Variants in SPOCK1 observed in about 807,000 individuals in gnomAD.
The protein encoded by SPOCK1 is testican-1.
Under a neutral mutation model 55.3 loss-of-function variants are expected in SPOCK1, and 23 were observed. That is an observed-to-expected ratio of 0.42 (90% confidence interval 0.30 to 0.59). The LOEUF is 0.59. Ranked by LOEUF, SPOCK1 falls within the 20% of genes least tolerant of loss-of-function variation. The probability of loss-of-function intolerance (pLI) is 0.22; values close to 1 mark genes in which losing one functional copy is unlikely to be tolerated. For synonymous variants in SPOCK1, 226 were observed against 221.0 expected, an observed-to-expected ratio of 1.02 and a Z score of -0.20; for missense variants, 499 against 552.5, an observed-to-expected ratio of 0.90 and a Z score of 0.97.
At chr5:137,017,293 G>A (rs903006462) in intron 6 of SPOCK1, among the ~76,000 whole-genome samples, 1 of 152,322 alleles carries the variant, frequency 6.6e-6, no homozygotes, top group South Asian at 2.1e-4. Flanking sequence ...TGTGGTAGGA[G>A]CTTCATACAC....
At chr5:137,170,162 C>T (rs1293562103) in intron 3 of SPOCK1, among the ~76,000 whole-genome samples, 1 of 152,172 alleles carries the variant, frequency 6.6e-6, no homozygotes, top group East Asian at 1.9e-4. Flanking sequence ...TGCTTTAAAT[C>T]ATCTCTAAAT....
intron 2 of SPOCK1, among the ~76,000 whole-genome samples, chr5:137,468,789 C>T (rs13184882): frequency 0.013 from 1,951 of 152,174 alleles, 21 homozygotes; most frequent in Middle Eastern, 0.027. Flanking sequence ...ACAGGGAGAA[C>T]GAAGCAGGCA....
chr5:137,388,274 T>C (rs553606073), intron 2 of SPOCK1, among the ~76,000 whole-genome samples: 1 of 152,246 alleles, frequency 6.6e-6, no homozygotes, highest in East Asian at 1.9e-4. Flanking sequence ...AGATGCTAAC[T>C]GAAAGCACGC....
chr5:137,362,474 C>T (rs932709625), intron 2 of SPOCK1, among the ~76,000 whole-genome samples: 2 of 151,856 alleles, frequency 1.3e-5, no homozygotes, highest in South Asian at 2.1e-4. Flanking sequence ...GAACTACAGG[C>T]GCCCGCCACC....
intron 3 of SPOCK1, among the ~76,000 whole-genome samples, chr5:137,263,156 T>C (rs969598792): frequency 1.3e-5 from 2 of 151,500 alleles, no homozygotes; most frequent in African/African-American, 4.8e-5. Flanking sequence ...TCTGAGTATC[T>C]GATAGGTGTG....
intron 3 of SPOCK1, among the ~76,000 whole-genome samples, chr5:137,232,934 A>G (rs1756094696): frequency 6.6e-6 from 1 of 152,210 alleles, no homozygotes; most frequent in Non-Finnish European, 1.5e-5. Flanking sequence ...ATTCCGCACT[A>G]TCATGGATGG....
chr5:137,388,408 AG>A (rs531710921), intron 2 of SPOCK1, among the ~76,000 whole-genome samples: 1 of 102,500 alleles, frequency 9.8e-6, no homozygotes, highest in Non-Finnish European at 2.0e-5. Context: ...GGCGGGAGGG[AG>A]GGGGGGAAAT....
intron 3 of SPOCK1, among the ~76,000 whole-genome samples, chr5:137,199,473 G>A (rs1385102049): frequency 6.6e-6 from 1 of 152,058 alleles, no homozygotes; most frequent in East Asian, 1.9e-4. Context: ...GACGAGGATG[G>A]TGCTCACCTC....
chr5:136,999,027 G>T (rs940993166), intron 6 of SPOCK1, among the ~76,000 whole-genome samples: 1 of 152,280 alleles, frequency 6.6e-6, no homozygotes, highest in African/African-American at 2.4e-5. Context: ...AAACGTGATC[G>T]CTCTCCACCT....
At chr5:137,172,230 G>C (rs778245503) in intron 3 of SPOCK1, among the ~76,000 whole-genome samples, 1 of 152,162 alleles carries the variant, frequency 6.6e-6, no homozygotes, top group African/African-American at 2.4e-5. Context: ...TTAACCCACA[G>C]AAAGTGCCTG....
rs187638658 is a variant in SPOCK1, at chr5:137,439,801, T to C, written c.186+58572A>G. Among the ~76,000 whole-genome samples the C allele has an allele frequency of 4.6e-5, 7 of 152,308 alleles. No homozygotes were observed. In the East Asian group the frequency reaches 7.7e-4, roughly 17 times the overall value. Reference sequence around the variant, plus strand: ...CATTCACTCTACAGGTGGCAGATGATAAGCATCTTCTCTGAAGTCTGAGAA... The same window carrying C: ...CATTCACTCTACAGGTGGCAGATGACAAGCATCTTCTCTGAAGTCTGAGAA... On this transcript the variant is annotated intron_variant, in intron 2 of 10. Coordinates refer to ENST00000394945, the MANE Select transcript of SPOCK1 (RefSeq NM_004598.4).
chr5:137,317,229 G>C (rs1178692007), intron 2 of SPOCK1, among the ~76,000 whole-genome samples: 1 of 152,208 alleles, frequency 6.6e-6, no homozygotes, highest in African/African-American at 2.4e-5. Context: ...TAAGCACAGA[G>C]GGCTTTGTAA....
intron 6 of SPOCK1, among the ~76,000 whole-genome samples, chr5:137,040,759 G>C (rs771150109): frequency 1.3e-5 from 2 of 152,148 alleles, no homozygotes; most frequent in Non-Finnish European, 2.9e-5. Flanking sequence ...ATCAGCACTA[G>C]GAATCAGTTT....
intron 2 of SPOCK1, among the ~76,000 whole-genome samples, chr5:137,345,871 T>C (rs1710507930): frequency 6.6e-6 from 1 of 152,198 alleles, no homozygotes; most frequent in Non-Finnish European, 1.5e-5. Flanking sequence ...TAGACACACA[T>C]GTCTCAGCAT....
intron 2 of SPOCK1, among the ~76,000 whole-genome samples, chr5:137,337,828 T>C (rs1451765287): frequency 1.3e-5 from 2 of 152,210 alleles, no homozygotes; most frequent in Non-Finnish European, 2.9e-5. Flanking sequence ...AACATCTGAT[T>C]CTCTTTCAAA....
intron 8 of SPOCK1, among the ~76,000 whole-genome samples, chr5:136,987,852 A>C (rs943926918): frequency 6.6e-6 from 1 of 152,102 alleles, no homozygotes; most frequent in African/African-American, 2.4e-5. Flanking sequence ...CCTGTCCTTA[A>C]TCTGAATCCC....
At chr5:137,370,633 T>C (rs1029958103) in intron 2 of SPOCK1, among the ~76,000 whole-genome samples, 1 of 152,224 alleles carries the variant, frequency 6.6e-6, no homozygotes, top group African/African-American at 2.4e-5. Flanking sequence ...ATATCTTTCC[T>C]GGAATTTAGC....
intron 3 of SPOCK1, among the ~76,000 whole-genome samples, chr5:137,212,869 T>C (rs1433768677): frequency 1.3e-5 from 2 of 152,290 alleles, no homozygotes; most frequent in East Asian, 1.9e-4. Context: ...GCACAGTCTA[T>C]TGAAATAGAA....
At chr5:137,419,007 C>G (rs1752420587) in intron 2 of SPOCK1, among the ~76,000 whole-genome samples, 1 of 152,154 alleles carries the variant, frequency 6.6e-6, no homozygotes, top group South Asian at 2.1e-4. Context: ...CCAGTTTCAG[C>G]TTTCTACATA....
Sources: allele counts gnomAD v4.1 joint callset (sites outside exome capture counted in the v4.1 genomes callset), GRCh38; gene constraint gnomAD v4.1.1; transcripts MANE v1.5; gene names NCBI Gene and HGNC (gene_info 2026-07-23, HGNC 2026-07-21).